SLC9C1: variants seen among roughly 807,000 people sequenced by gnomAD.
SLC9C1 encodes sodium/hydrogen exchanger 10.
Under a neutral mutation model 140.9 loss-of-function variants are expected in SLC9C1, and 97 were observed. The observed-to-expected ratio is 0.69, with a 90% CI of 0.58 to 0.82. The LOEUF (loss-of-function observed/expected upper bound fraction) is 0.82, where lower values mean the gene tolerates loss of function less well. Ranked by LOEUF, SLC9C1 falls within the 40% of genes least tolerant of loss-of-function variation. The pLI, the probability that SLC9C1 is intolerant of heterozygous loss-of-function variation, is 0.00. For missense variants in SLC9C1, 1,340 were observed against 1,389.3 expected (o/e 0.96, Z 0.56); for synonymous variants, 440 against 442.6 (o/e 0.99, Z 0.07).
chr3:112,262,976 A>G lies in SLC9C1; in HGVS notation c.1145T>C (p.Leu382Pro). ...ATAAAGATCAGAGTAGGCAAGCAGAAGGGCCATGTTTATATTAGGCATCCC... is the reference window on the plus strand; with the variant it reads ...ATAAAGATCAGAGTAGGCAAGCAGAGGGGCCATGTTTATATTAGGCATCCC... Reference protein sequence around the residue: ...MKGMPNINMALLLAYSDLYFG... With the variant: ...MKGMPNINMAPLLAYSDLYFG... Residue 382 changes from leucine (L) to proline (P), a missense_variant, in exon 10 of 29, where the codon CTT becomes CCT. Coordinates refer to ENST00000305815, the MANE Select transcript of SLC9C1 (RefSeq NM_183061.3). The G allele has an allele frequency of 6.2e-7, 1 of 1,601,088 alleles. No homozygotes were observed.
chr3:112,217,324 C>T, intron 15 of SLC9C1, 118 bp downstream of exon 15: 8 of 1,214,762 alleles, frequency 6.6e-6, no homozygotes, highest in Non-Finnish European at 8.9e-6. Flanking sequence ...ACGTTGTGCA[C>T]ATGTACCCTA....
In SLC9C1 at chr3:112,208,306, C is replaced by T. The variant is rs2078111514; in HGVS notation, c.1858G>A (p.Val620Met). 1 of 1,609,120 alleles carries T rather than the reference C, an allele frequency of 6.2e-7. No individual in the cohort carries two copies. Among genetic ancestry groups the T allele is most frequent in the Non-Finnish European group, 8.5e-7 (1 of 1,176,702 alleles). ...TEEFEHVGYL[V>M]ILMNIFPFII... is the part of the protein sequence containing the mutation. ...AAGGGAAATATATTCATTAATATCA[C>T]AAGGTATCCAACATGTTCAAATTCC... Residue 620 changes from valine (V) to methionine (M), a missense_variant, in exon 16 of 29, where the codon GTG (valine) becomes ATG (methionine). Coordinates refer to ENST00000305815, the MANE Select transcript of SLC9C1 (RefSeq NM_183061.3).
chr3:112,291,239 G>A (rs2080673003), intron 1 of SLC9C1, among the ~76,000 whole-genome samples: 1 of 152,060 alleles, frequency 6.6e-6, no homozygotes, highest in East Asian at 1.9e-4. Context: ...GACATCAAAA[G>A]CAATCACAAC....
rs140684228 is a variant in SLC9C1 at position 112,153,695 on chromosome 3, A to G, written c.3417+1302T>C. 2.6e-5 allele frequency among the ~76,000 whole-genome samples: 4 copies of G among 152,284 alleles called. No homozygotes were observed. In the East Asian group the frequency reaches 7.7e-4, roughly 29 times the overall value. ...CTCTACAGAGGTGGGTATTGCTATTATCACTCTTTTATAGATGAAAAAATG... is the reference window on the plus strand; with the variant it reads ...CTCTACAGAGGTGGGTATTGCTATTGTCACTCTTTTATAGATGAAAAAATG... On this transcript the variant is annotated intron_variant, in intron 27 of 28. Coordinates refer to ENST00000305815, the MANE Select transcript of SLC9C1 (RefSeq NM_183061.3).
chr3:112,165,552 C>T (rs765501868), intron 26 of SLC9C1, among the ~76,000 whole-genome samples: 3 of 152,288 alleles, frequency 2.0e-5, no homozygotes, highest in Non-Finnish European at 4.4e-5. Flanking sequence ...CCCTGTTTGC[C>T]TGGGTATCAG....
chr3:112,280,846 A>T, intron 2 of SLC9C1, 63 bp from the exon 3 acceptor site: 1 of 1,421,190 alleles, frequency 7.0e-7, no homozygotes, highest in Non-Finnish European at 9.8e-7. Flanking sequence ...CTTTAATGTG[A>T]CATGATTTCT....
intron 22 of SLC9C1, among the ~76,000 whole-genome samples, chr3:112,180,292 C>T (rs1449811447): frequency 6.6e-6 from 1 of 152,122 alleles, no homozygotes; most frequent in Non-Finnish European, 1.5e-5. Context: ...GAGGCTGAGG[C>T]GGGCGGATCA....
intron 1 of SLC9C1, among the ~76,000 whole-genome samples, chr3:112,290,934 G>A (rs375387059): frequency 3.3e-5 from 5 of 150,164 alleles, no homozygotes; most frequent in Non-Finnish European, 5.9e-5. Flanking sequence ...CATTTCTTTC[G>A]ATCTTGCATG....
At chr3:112,151,595 G>A in intron 28 of SLC9C1, 1 of 522,650 alleles carries the variant, frequency 1.9e-6, no homozygotes, top group East Asian at 4.5e-5. Context: ...AGCAGCCAGT[G>A]TTGCATGTGA....
At chr3:112,293,632 A>T (rs2080754035) in intron 1 of SLC9C1, among the ~76,000 whole-genome samples, 1 of 152,106 alleles carries the variant, frequency 6.6e-6, no homozygotes, top group Admixed American at 6.5e-5. Flanking sequence ...CTCTCCTACC[A>T]CACAACGCAG....
At chr3:112,148,727 C>T (rs1463425745) in intron 28 of SLC9C1, among the ~76,000 whole-genome samples, 1 of 152,156 alleles carries the variant, frequency 6.6e-6, no homozygotes, top group East Asian at 1.9e-4. Context: ...CTAATATGCA[C>T]AGTGGTCTGA....
rs184497534 is a variant in SLC9C1 at position 112,282,711 on chromosome 3, G to T, written c.89-1928C>A. Among the ~76,000 whole-genome samples, 42 of 152,112 alleles carry T rather than the reference G, an allele frequency of 2.8e-4. 1 individual carries two copies. The Middle Eastern group carries it at 0.017, about 62-fold the overall frequency. On this transcript the variant is annotated intron_variant, in intron 2 of 28. Transcript: ENST00000305815. ...TGTGGTTAAATTTCCAGAACTCTCA[G>T]TTCTTTCGGATGGACTAAATAGCTG...
At chr3:112,213,141 C>T (rs554708221) in intron 15 of SLC9C1, among the ~76,000 whole-genome samples, 1 of 152,160 alleles carries the variant, frequency 6.6e-6, no homozygotes. Context: ...AAATCCTTTA[C>T]AGAAAAGCAA....
chr3:112,234,718 C>T (rs935936364), intron 12 of SLC9C1, among the ~76,000 whole-genome samples: 2 of 152,128 alleles, frequency 1.3e-5, no homozygotes, highest in East Asian at 1.9e-4. Context: ...TTCCCAGCAC[C>T]GTTTGTTAAA....
chr3:112,293,270 T>A (rs2080741133), intron 1 of SLC9C1, among the ~76,000 whole-genome samples: 2 of 74,658 alleles, frequency 2.7e-5, no homozygotes, highest in Non-Finnish European at 5.2e-5. Flanking sequence ...AGTGAGACTC[T>A]ATTTCAAATA....
intron 15 of SLC9C1, among the ~76,000 whole-genome samples, chr3:112,209,103 G>C (rs376559207): frequency 6.6e-6 from 1 of 152,094 alleles, no homozygotes; most frequent in South Asian, 2.1e-4. Context: ...ACATGATAAT[G>C]ATTAATTAAT....
At chr3:112,171,840 T>C (rs1468272023) in intron 23 of SLC9C1, among the ~76,000 whole-genome samples, 1 of 152,178 alleles carries the variant, frequency 6.6e-6, no homozygotes, top group Non-Finnish European at 1.5e-5. Flanking sequence ...ATTCAGTGTT[T>C]TCAGGATTAT....
intron 13 of SLC9C1, among the ~76,000 whole-genome samples, chr3:112,227,260 T>A (rs900059326): frequency 1.3e-5 from 2 of 152,140 alleles, no homozygotes; most frequent in Non-Finnish European, 2.9e-5. Context: ...AGCATTACCC[T>A]AATACCAACA....
At chr3:112,208,769 A>G (rs748841195) in intron 15 of SLC9C1, among the ~76,000 whole-genome samples, 3 of 152,170 alleles carry the variant, frequency 2.0e-5, no homozygotes, top group Non-Finnish European at 4.4e-5. Flanking sequence ...ATATTGTTCC[A>G]ACTTTTTATG....
Sources: allele counts gnomAD v4.1 joint callset (sites outside exome capture counted in the v4.1 genomes callset), GRCh38; gene constraint gnomAD v4.1.1; transcripts MANE v1.5; gene names NCBI Gene and HGNC (gene_info 2026-07-23, HGNC 2026-07-21).